Variants in BST1 observed in about 807,000 individuals in gnomAD.
The protein encoded by BST1 is bone marrow stromal cell antigen 1.
BST1 carries 49 observed loss-of-function variants against 40.6 expected under a neutral mutation model. That is an observed-to-expected ratio of 1.21 (90% CI 0.96 to 1.53). The LOEUF (loss-of-function observed/expected upper bound fraction) is 1.53. Ranked by LOEUF, BST1 falls within the 40% of genes most tolerant of loss-of-function variation. The pLI is 0.00. For missense variants in BST1, 423 were observed against 395.9 expected (o/e 1.07, Z -0.58); for synonymous variants, 157 against 159.3 (o/e 0.99, Z 0.11).
chr4:15,771,235 T>C, the BST1 span, among the ~76,000 whole-genome samples: 4 of 152,216 alleles, frequency 2.6e-5, no homozygotes, highest in Admixed American at 6.5e-5. Flanking sequence ...CACTTCAAGC[T>C]GATGAGTAGA....
chr4:15,739,466 G>T (rs761139743), downstream of BST1, among the ~76,000 whole-genome samples: 11 of 151,836 alleles, frequency 7.2e-5, no homozygotes, highest in African/African-American at 2.7e-4. Flanking sequence ...TTATCATGTA[G>T]CTATTAAAGG....
the BST1 span, among the ~76,000 whole-genome samples, chr4:15,756,712 TC>T: frequency 6.6e-6 from 1 of 152,138 alleles, no homozygotes; most frequent in Non-Finnish European, 1.5e-5. Context: ...GAGCTGTTTT[TC>T]CCCCTAGCGG....
At position 15,705,617 on chromosome 4, in the gene BST1, C is replaced by A; in HGVS notation, c.291C>A (p.Ser97=). The part of the protein sequence containing the change: ...PSDYDLFINL[S]RHSIPRDKSL... ...ACTATGACCTTTTTATTAACTTGTC[C>A]AGGCACTCTATTCCCAGAGATAAGG... The change falls in exon 2 of 9, where the codon TCC becomes TCA. Residue 97 remains serine (S), a synonymous_variant. Coordinates refer to ENST00000265016, the MANE Select transcript of BST1 (RefSeq NM_004334.3). The A allele has an allele frequency of 6.2e-7, 1 of 1,614,026 alleles. No individual in the cohort carries two copies. The highest frequency in any genetic ancestry group is 8.5e-7 in the Non-Finnish European group (1 of 1,179,934).
Position 15,722,857 on chromosome 4 carries a change from A to C in BST1, c.792-18A>C, listed in dbSNP as rs1440207476. The C allele has an allele frequency of 6.2e-7, 1 of 1,608,716 alleles. No individual in the cohort carries two copies. ...AAGTTATTTAAATAATCCCTTAAATATTATTTTCTTTCTGTAGACCAGTGA... is the reference window on the plus strand; with the variant it reads ...AAGTTATTTAAATAATCCCTTAAATCTTATTTTCTTTCTGTAGACCAGTGA... On this transcript the variant is annotated intron_variant, in intron 7 of 8. Coordinates refer to ENST00000265016, the MANE Select transcript of BST1 (RefSeq NM_004334.3).
chr4:15,754,746 GA>G, the BST1 span, among the ~76,000 whole-genome samples: 1 of 152,130 alleles, frequency 6.6e-6, no homozygotes, highest in Non-Finnish European at 1.5e-5. Flanking sequence ...TGTTATTTCT[GA>G]AAAGGTAGTA....
chr4:15,754,192 T>A, the BST1 span, among the ~76,000 whole-genome samples: 301 of 152,116 alleles, frequency 2.0e-3, 4 homozygotes, highest in African/African-American at 6.9e-3. Flanking sequence ...AGTGCAGATG[T>A]GATAATCCCC....
At chr4:15,731,570 G>T (rs1268433762) in intron 8 of BST1, 170 bp from the exon 9 acceptor site, 4 of 1,060,314 alleles carry the variant, frequency 3.8e-6, no homozygotes, top group East Asian at 2.6e-5. Flanking sequence ...CGCTGGTTTC[G>T]GTGCAGGACT....
chr4:15,703,380 G>A (rs1333859479), intron 1 of BST1, 48 bp downstream of exon 1: 2 of 1,487,122 alleles, frequency 1.3e-6, no homozygotes, highest in African/African-American at 1.5e-5. Flanking sequence ...AGGCAACGGT[G>A]GGGAGGGCCT....
downstream of BST1, among the ~76,000 whole-genome samples, chr4:15,736,671 G>C (rs1020560784): frequency 6.6e-6 from 1 of 151,600 alleles, no homozygotes; most frequent in Non-Finnish European, 1.5e-5. Context: ...TGCCTTACTA[G>C]GTCTGTGTCC....
the BST1 span, among the ~76,000 whole-genome samples, chr4:15,769,848 G>GT: frequency 2.1e-3 from 312 of 148,180 alleles, 1 homozygote; most frequent in Admixed American, 2.6e-3. Flanking sequence ...GTAGTTTTTT[G>GT]TTTTTTTTTT....
the BST1 span, among the ~76,000 whole-genome samples, chr4:15,770,493 T>A: frequency 7.2e-5 from 11 of 152,134 alleles, no homozygotes; most frequent in African/African-American, 2.7e-4. Flanking sequence ...TCACCTGAGG[T>A]CAGGAGTTCA....
chr4:15,753,825 A>C, the BST1 span, among the ~76,000 whole-genome samples: 1 of 152,246 alleles, frequency 6.6e-6, no homozygotes, highest in African/African-American at 2.4e-5. Context: ...AGATGCACCA[A>C]GGCCTCACAG....
At chr4:15,710,924 G>T (rs1349608174) in intron 3 of BST1, among the ~76,000 whole-genome samples, 1 of 151,994 alleles carries the variant, frequency 6.6e-6, no homozygotes. Flanking sequence ...TGAGTAGCTG[G>T]GACTACAGAT....
At chr4:15,733,304 G>A (rs1721453113), downstream of BST1, among the ~76,000 whole-genome samples, 1 of 151,760 alleles carries the variant, frequency 6.6e-6, no homozygotes, top group South Asian at 2.1e-4. Flanking sequence ...GACACAGAGT[G>A]CTGACTGGTG....
the BST1 span, among the ~76,000 whole-genome samples, chr4:15,760,583 CTATT>C: frequency 6.6e-6 from 1 of 151,768 alleles, no homozygotes; most frequent in Non-Finnish European, 1.5e-5. Flanking sequence ...AAACTTAAAA[CTATT>C]TATTAAATAA....
At chr4:15,706,808 A>G (rs1434731027) in intron 2 of BST1, among the ~76,000 whole-genome samples, 1 of 152,196 alleles carries the variant, frequency 6.6e-6, no homozygotes, top group Non-Finnish European at 1.5e-5. Context: ...GTGCTAGTTG[A>G]TGAACTCAGT....
the BST1 span, among the ~76,000 whole-genome samples, chr4:15,772,383 A>C: frequency 6.6e-6 from 1 of 152,216 alleles, no homozygotes; most frequent in East Asian, 1.9e-4. Context: ...CAAGGTCAGA[A>C]ATTAACAGAA....
chr4:15,711,969 C>A, intron 4 of BST1, 80 bp downstream of exon 4: 19 of 1,228,694 alleles, frequency 1.5e-5, no homozygotes, highest in Non-Finnish European at 2.0e-5. Flanking sequence ...GAGTCTGGGC[C>A]CCAGGTCATC....
chr4:15,726,347 TGAATG>T (rs144221176), intron 8 of BST1, among the ~76,000 whole-genome samples: 14,288 of 152,104 alleles, frequency 0.094, 863 homozygotes, highest in Non-Finnish European at 0.13. Context: ...GATGAATAGA[TGAATG>T]AACGAATGAA....
Sources: allele counts gnomAD v4.1 joint callset (sites outside exome capture counted in the v4.1 genomes callset), GRCh38; gene constraint gnomAD v4.1.1; transcripts MANE v1.5; gene names NCBI Gene and HGNC (gene_info 2026-07-23, HGNC 2026-07-21).